The following SMCHD1 variants were observed in gnomAD, a reference collection of about 807,000 sequenced individuals.
SMCHD1 encodes structural maintenance of chromosomes flexible hinge domain containing 1, also known as structural maintenance of chromosomes flexible hinge domain-containing protein 1.
A neutral mutation model predicts 254.7 loss-of-function variants in SMCHD1; 78 were observed. The ratio of observed to expected loss-of-function variants is 0.31; its 90% CI spans 0.26 to 0.37. The LOEUF (loss-of-function observed/expected upper bound fraction) is 0.37, where lower values mean the gene tolerates loss of function less well. Among genes scored for constraint, SMCHD1 ranks in the 10% least tolerant of loss-of-function variants. SMCHD1 has a pLI of 1.00. For missense variants in SMCHD1, 1,840 were observed against 2,408.1 expected (o/e 0.76, Z 4.94); for synonymous variants, 766 against 794.9 (o/e 0.96, Z 0.61).
At position 2,740,596 on chromosome 18, in the gene SMCHD1, G is replaced by A. The variant is rs79283087; in HGVS notation, c.3515-107G>A. ...TTATTTTTGTACCAAAAATTACTCA[G>A]TAAGAGAACAAAGAGTAAGTTTCTA... On this transcript the variant is annotated intron_variant, in intron 27 of 47. Coordinates refer to ENST00000320876, the MANE Select transcript of SMCHD1 (RefSeq NM_015295.3). The A allele has an allele frequency of 3.2e-3, 1,536 of 475,784 alleles. 44 individuals carry two copies. The East Asian group carries it at 0.05, about 15-fold the overall frequency. 29.5% of individuals were successfully genotyped at this position (475,784 alleles called of 1,614,324 possible). A position where few individuals can be genotyped will look rare whatever the true frequency, so the allele number is the denominator to read the frequency against.
chr18:2,714,117 T>C (rs2143328022), intron 17 of SMCHD1, among the ~76,000 whole-genome samples: 1 of 152,350 alleles, frequency 6.6e-6, no homozygotes, highest in Admixed American at 6.5e-5. Flanking sequence ...TATTATTGTA[T>C]TGCTTTCTAT....
intron 7 of SMCHD1, among the ~76,000 whole-genome samples, chr18:2,692,337 C>A (rs2074198580): frequency 6.6e-6 from 1 of 152,060 alleles, no homozygotes; most frequent in African/African-American, 2.4e-5. Context: ...TCTCTTGAGC[C>A]CAGGAGTTCA....
chr18:2,742,328 C>T (rs1483663002), intron 28 of SMCHD1, among the ~76,000 whole-genome samples: 1 of 151,982 alleles, frequency 6.6e-6, no homozygotes, highest in Non-Finnish European at 1.5e-5. Context: ...CTGTTTGTAC[C>T]CATCTACAAT....
In SMCHD1 at chr18:2,803,850, T is replaced by C. The variant is rs1353364787; in HGVS notation, c.*1298T>C. ...TTGGGACCTGAAGTGTTTTGGATTT[T>C]GGTTTTTTGTGGGGTTTTTAAATTA... On this transcript the variant is annotated 3_prime_UTR_variant, in exon 48 of 48. Coordinates refer to ENST00000320876, the MANE Select transcript of SMCHD1 (RefSeq NM_015295.3). 1.3e-5 allele frequency: 2 copies of C among 152,198 alleles called. No individual in the cohort carries two copies. The highest frequency in any genetic ancestry group is 3.8e-4 in the East Asian group (2 of 5,206). 9.4% of individuals were successfully genotyped at this position (152,198 alleles called of 1,614,324 possible).
chr18:2,751,212 C>T, intron 32 of SMCHD1, 66 bp from the exon 33 acceptor site: 1 of 838,678 alleles, frequency 1.2e-6, no homozygotes, highest in South Asian at 1.6e-5. Flanking sequence ...TTAAGGCATA[C>T]AATTATTTAA....
intron 37 of SMCHD1, among the ~76,000 whole-genome samples, chr18:2,764,400 T>C (rs928794861): frequency 5.9e-5 from 9 of 152,170 alleles, no homozygotes; most frequent in African/African-American, 2.2e-4. Flanking sequence ...GTTCAACATC[T>C]CTAATATATT....
intron 19 of SMCHD1, among the ~76,000 whole-genome samples, chr18:2,720,712 A>G (rs1598364208): frequency 6.6e-6 from 1 of 152,328 alleles, no homozygotes; most frequent in South Asian, 2.1e-4. Context: ...TATTTAGTAT[A>G]TAATTTTCCA....
chr18:2,794,818 G>A (rs1473074870), intron 45 of SMCHD1, among the ~76,000 whole-genome samples: 1 of 152,020 alleles, frequency 6.6e-6, no homozygotes, highest in East Asian at 1.9e-4. Flanking sequence ...TCACCTTCCA[G>A]CCTTTTGTCT....
At position 2,804,515 on chromosome 18, in the gene SMCHD1, A is replaced by G. The variant is rs893453266; in HGVS notation, c.*1963A>G. The G allele has an allele frequency of 7.0e-6, 1 of 143,782 alleles. No individual in the cohort carries two copies. The highest frequency in any genetic ancestry group is 1.5e-5 in the Non-Finnish European group (1 of 66,324). 8.9% of individuals were successfully genotyped at this position (143,782 alleles called of 1,614,324 possible). A position where few individuals can be genotyped will look rare whatever the true frequency, so the allele number is the denominator to read the frequency against. ...TGTACACTTTTGTTCATTTTATAAT[A>G]CCAGAAAGAATGTTCTATCAGTAAA... On this transcript the variant is annotated 3_prime_UTR_variant, in exon 48 of 48. Coordinates refer to ENST00000320876, the MANE Select transcript of SMCHD1 (RefSeq NM_015295.3).
At chr18:2,746,411 GT>G (rs1301010299) in intron 29 of SMCHD1, among the ~76,000 whole-genome samples, 4 of 152,168 alleles carry the variant, frequency 2.6e-5, no homozygotes, top group Non-Finnish European at 5.9e-5. Flanking sequence ...TTTAAAGGTA[GT>G]TTGGGTAAAC....
chr18:2,722,028 G>A (rs2074937505), intron 19 of SMCHD1, among the ~76,000 whole-genome samples: 1 of 152,024 alleles, frequency 6.6e-6, no homozygotes, highest in South Asian at 2.1e-4. Context: ...TTTATAGGAG[G>A]GCTTCATGTA....
chr18:2,656,333 C>G (rs371676538), intron 1 of SMCHD1, 72 bp downstream of exon 1: 6 of 1,307,304 alleles, frequency 4.6e-6, no homozygotes, highest in Non-Finnish European at 5.9e-6. Context: ...ACTCAACTTG[C>G]TCACTGAGGG....
Position 2,673,336 on chromosome 18 carries a change from T to C in SMCHD1, c.480T>C (p.Ile160=). 1 of 1,582,794 alleles carries C rather than the reference T, an allele frequency of 6.3e-7. No individual in the cohort carries two copies. The highest frequency in any genetic ancestry group is 8.6e-7 in the Non-Finnish European group (1 of 1,158,192). ...CATTGTCTGCTACTTCTCGTAACAT[T>C]GGGGTTAGAAGAATACAGATCAAAT... is the stretch of plus-strand genomic sequence containing the variant. ...DNSLSATSRN[I]GVRRIQIKLL... Residue 160 remains isoleucine, a synonymous_variant, in exon 4 of 48, where the codon ATT becomes ATC. Coordinates refer to ENST00000320876, the MANE Select transcript of SMCHD1 (RefSeq NM_015295.3).
At chr18:2,730,738 C>G (rs911092342) in intron 24 of SMCHD1, among the ~76,000 whole-genome samples, 2 of 152,228 alleles carry the variant, frequency 1.3e-5, no homozygotes, top group African/African-American at 4.8e-5. Context: ...AATTATACAT[C>G]AGTTATTAAC....
intron 21 of SMCHD1, 29 bp from the exon 22 acceptor site, chr18:2,726,423 G>T: frequency 1.5e-6 from 2 of 1,294,648 alleles, no homozygotes; most frequent in East Asian, 2.7e-5. Flanking sequence ...TCAGGACTGG[G>T]TTTAATTTTT....
Position 2,760,652 on chromosome 18 carries a change from G to A in SMCHD1, c.4347G>A (p.Arg1449=). ...NDKEDGCFYF[R]DKVIPNKVGT... ...AATCTTAACTTTCTTTTAAATTTAG[G>A]GATAAAGTAATTCCTAATAAAGTGG... The change falls in exon 35 of 48, where the codon AGG becomes AGA. Residue 1449 remains arginine (R), a splice_region_variant and synonymous_variant. Coordinates refer to ENST00000320876, the MANE Select transcript of SMCHD1 (RefSeq NM_015295.3). 1.3e-6 allele frequency: 2 copies of A among 1,498,414 alleles called. No homozygotes were observed. The highest frequency in any genetic ancestry group is 1.4e-5 in the African/African-American group (1 of 72,658). 92.8% of individuals were successfully genotyped at this position (1,498,414 alleles called of 1,614,324 possible).
chr18:2,719,672 A>C (rs1309631087), intron 19 of SMCHD1, among the ~76,000 whole-genome samples: 2 of 61,760 alleles, frequency 3.2e-5, no homozygotes, highest in African/African-American at 1.4e-4. Flanking sequence ...AGTTCACTGC[A>C]CCTAATTTTT....
chr18:2,724,770 G>GT (rs1315050696), intron 20 of SMCHD1, 129 bp from the exon 21 acceptor site: 5 of 439,030 alleles, frequency 1.1e-5, no homozygotes, highest in African/African-American at 9.8e-5. Flanking sequence ...TTTCTGTTTA[G>GT]TTTTTTATAT....
At chr18:2,762,492 CTTTTTT>C (rs10708453) in intron 36 of SMCHD1, among the ~76,000 whole-genome samples, 1 of 126,838 alleles carries the variant, frequency 7.9e-6, no homozygotes. Flanking sequence ...ATCTGCCTAC[CTTTTTT>C]TTTTTTTTTT....
Sources: allele counts gnomAD v4.1 joint callset (sites outside exome capture counted in the v4.1 genomes callset), GRCh38; gene constraint gnomAD v4.1.1; transcripts MANE v1.5; gene names NCBI Gene and HGNC (gene_info 2026-07-23, HGNC 2026-07-21).